RBMS3: variants seen among roughly 807,000 people sequenced by gnomAD.
RBMS3 encodes RNA binding motif single stranded interacting protein 3.
A neutral mutation model predicts 66.8 loss-of-function variants in RBMS3; 27 were observed. The ratio of observed to expected loss-of-function variants is 0.40; its 90% CI spans 0.30 to 0.56. The LOEUF (loss-of-function observed/expected upper bound fraction) is 0.56. RBMS3 is among the 20% of genes least tolerant of loss of function. RBMS3 has a pLI of 0.40. For synonymous variants in RBMS3, 188 were observed against 183.0 expected (o/e 1.03, Z -0.22); for missense variants, 513 against 549.5 (o/e 0.93, Z 0.66).
chr3:29,782,102 C>T (rs2056652462), intron 6 of RBMS3, among the ~76,000 whole-genome samples: 1 of 152,008 alleles, frequency 6.6e-6, no homozygotes, highest in African/African-American at 2.4e-5. Flanking sequence ...TCTCTATGGC[C>T]CTGCACACTG....
chr3:29,570,957 G>C (rs2046931048), intron 3 of RBMS3, among the ~76,000 whole-genome samples: 1 of 91,822 alleles, frequency 1.1e-5, no homozygotes, highest in African/African-American at 6.1e-5. Flanking sequence ...TACAAGGGTT[G>C]GTTCCCTTTT....
At chr3:29,475,130 A>G (rs922280337) in intron 2 of RBMS3, among the ~76,000 whole-genome samples, 2 of 152,226 alleles carry the variant, frequency 1.3e-5, no homozygotes, top group African/African-American at 4.8e-5. Context: ...TTATTATGGT[A>G]TAAATAGTGT....
intron 6 of RBMS3, among the ~76,000 whole-genome samples, chr3:29,857,946 C>T (rs2059121959): frequency 6.6e-6 from 1 of 152,128 alleles, no homozygotes; most frequent in Non-Finnish European, 1.5e-5. Flanking sequence ...TGCCACAATA[C>T]TAAGCAGCAT....
intron 2 of RBMS3, among the ~76,000 whole-genome samples, chr3:29,444,070 G>A (rs74676229): frequency 0.021 from 3,218 of 152,100 alleles, 101 homozygotes; most frequent in African/African-American, 0.071. Context: ...GCTTTGCATT[G>A]GGAGTTTAAT....
chr3:29,742,860 G>A (rs530158040), intron 5 of RBMS3, among the ~76,000 whole-genome samples: 1 of 152,278 alleles, frequency 6.6e-6, no homozygotes, highest in East Asian at 1.9e-4. Flanking sequence ...TGAATTAGCA[G>A]TCACATTCCA....
At chr3:29,561,318 A>G (rs1448961822) in intron 3 of RBMS3, among the ~76,000 whole-genome samples, 1 of 152,200 alleles carries the variant, frequency 6.6e-6, no homozygotes, top group African/African-American at 2.4e-5. Context: ...CAAAGTATTT[A>G]GGTCTTTGAG....
At chr3:29,788,317 C>G (rs1223839974) in intron 6 of RBMS3, among the ~76,000 whole-genome samples, 1 of 152,026 alleles carries the variant, frequency 6.6e-6, no homozygotes, top group Non-Finnish European at 1.5e-5. Context: ...CCTCCGCCTC[C>G]CTGGTTCAAG....
Position 29,425,996 on chromosome 3 carries a change from T to C in RBMS3, c.76-8747T>C, listed in dbSNP as rs529531857. Among the ~76,000 whole-genome samples, 4 of 152,302 alleles carry C rather than the reference T, an allele frequency of 2.6e-5. No individual in the cohort carries two copies. The South Asian group carries it at 8.3e-4, about 32-fold the overall frequency. Reference sequence around the variant, plus strand: ...TGGAGAATGCTCTGATTCTAACAATTATTGTTCATATTGTAGCTAACACTG... The same window carrying C: ...TGGAGAATGCTCTGATTCTAACAATCATTGTTCATATTGTAGCTAACACTG... On this transcript the variant is annotated intron_variant, in intron 1 of 14. Coordinates refer to ENST00000383767, the MANE Select transcript of RBMS3 (RefSeq NM_001003793.3).
intron 14 of RBMS3, among the ~76,000 whole-genome samples, chr3:30,001,271 A>T (rs1699597275): frequency 6.6e-6 from 1 of 152,094 alleles, no homozygotes; most frequent in Non-Finnish European, 1.5e-5. Flanking sequence ...TTTACATAGC[A>T]TTACATGAAG....
intron 9 of RBMS3, 27 bp downstream of exon 9, chr3:29,897,502 G>A: frequency 6.3e-7 from 1 of 1,584,140 alleles, no homozygotes; most frequent in East Asian, 2.2e-5. Flanking sequence ...TGCACCTTAG[G>A]AGATATCTTT....
At chr3:29,976,517 A>C (rs998177866) in intron 12 of RBMS3, among the ~76,000 whole-genome samples, 2 of 152,128 alleles carry the variant, frequency 1.3e-5, no homozygotes, top group African/African-American at 4.8e-5. Flanking sequence ...TATCCATTAT[A>C]CATTCCACTG....
chr3:29,777,541 T>C (rs2056470303), intron 6 of RBMS3, among the ~76,000 whole-genome samples: 1 of 151,948 alleles, frequency 6.6e-6, no homozygotes, highest in Admixed American at 6.6e-5. Flanking sequence ...AATACTTTTT[T>C]TGGTACATTT....
intron 2 of RBMS3, among the ~76,000 whole-genome samples, chr3:29,471,287 TAA>T (rs1343852188): frequency 6.6e-6 from 1 of 152,142 alleles, no homozygotes; most frequent in Non-Finnish European, 1.5e-5. Context: ...AGTACTCAGG[TAA>T]GAAGTAAGCT....
chr3:29,898,281 T>C lies in RBMS3; in HGVS notation c.888+806T>C, dbSNP rs377648680. On this transcript the variant is annotated intron_variant, in intron 9 of 14. Coordinates refer to ENST00000383767, the MANE Select transcript of RBMS3 (RefSeq NM_001003793.3). Reference sequence around the variant, plus strand: ...CTATATATATGCTGCACGTAGAAAGTGTCTAGTGTCATTTCTTAAAAGTTT... The same window carrying C: ...CTATATATATGCTGCACGTAGAAAGCGTCTAGTGTCATTTCTTAAAAGTTT... Among the ~76,000 whole-genome samples the C allele has an allele frequency of 9.2e-5, 14 of 151,726 alleles. 1 individual carries two copies. Among genetic ancestry groups the C allele is most frequent in the Non-Finnish European group, 2.9e-5 (2 of 67,800 alleles).
intron 4 of RBMS3, among the ~76,000 whole-genome samples, chr3:29,604,119 A>G (rs2149122293): frequency 6.6e-6 from 1 of 152,102 alleles, no homozygotes; most frequent in African/African-American, 2.4e-5. Context: ...GTCAAGGTTG[A>G]GAAACGCTAT....
In RBMS3 at chr3:29,991,118, C is replaced by T; in HGVS notation, c.1216C>T (p.Pro406Ser). ...TGATACCTCTCCCCAGACAGTGGCA[C>T]CTTCATCCCAGGACACCAGTGGTCA... Reference protein sequence around the residue: ...VADTSPQTVAPSSQDTSGQQQ... With the variant: ...VADTSPQTVASSSQDTSGQQQ... The change falls in exon 14 of 15, where the codon CCT becomes TCT. Residue 406 changes from proline (P) to serine (S), a missense_variant. By Grantham distance (74) the Pro-to-Ser change is moderately conservative. Transcript: ENST00000383767. 1.2e-6 allele frequency: 2 copies of T among 1,614,106 alleles called. No individual in the cohort carries two copies. The highest frequency in any genetic ancestry group is 1.7e-6 in the Non-Finnish European group (2 of 1,180,016).
chr3:29,654,813 G>T (rs2050271336), intron 4 of RBMS3, among the ~76,000 whole-genome samples: 1 of 150,826 alleles, frequency 6.6e-6, no homozygotes. Context: ...GACCAGGCTG[G>T]TCTCAAACTC....
intron 1 of RBMS3, among the ~76,000 whole-genome samples, chr3:29,360,536 G>A (rs902133488): frequency 1.3e-5 from 2 of 152,028 alleles, no homozygotes; most frequent in African/African-American, 2.4e-5. Context: ...GATTTGGGGT[G>A]AAGAGTTCTG....
rs545042050 is a variant in RBMS3 at position 29,668,636 on chromosome 3, C to A, written c.400-71084C>A. Among the ~76,000 whole-genome samples the A allele has an allele frequency of 3.3e-5, 5 of 151,950 alleles. No homozygotes were observed. The East Asian group carries it at 7.7e-4, about 24-fold the overall frequency. On this transcript the variant is annotated intron_variant, in intron 4 of 14. Coordinates refer to ENST00000383767, the MANE Select transcript of RBMS3 (RefSeq NM_001003793.3). ...TTGCAGGGTCTCGGCCCATGGAATA[C>A]AAAATAATGCACAAAAGGGTGGAAT...
Sources: gnomAD v4.1 joint callset for allele counts (sites outside exome capture counted in the v4.1 genomes callset) on GRCh38, gnomAD v4.1.1 for gene constraint, MANE v1.5 for transcripts, NCBI Gene and HGNC (gene_info 2026-07-23, HGNC 2026-07-21) for gene names.